Variants in PON3 observed in about 807,000 individuals in gnomAD.
PON3 encodes the protein serum paraoxonase/lactonase 3.
PON3 carries 37 observed loss-of-function variants against 36.3 expected under a neutral mutation model. The ratio of observed to expected loss-of-function variants is 1.02; its 90% CI spans 0.78 to 1.34. The LOEUF (loss-of-function observed/expected upper bound fraction) is 1.34. PON3 is among the 40% of genes most tolerant of loss of function. The probability of loss-of-function intolerance (pLI) is 0.00; values close to 1 mark genes in which losing one functional copy is unlikely to be tolerated. For synonymous variants in PON3, 155 were observed against 154.8 expected (o/e 1.00, Z -0.01); for missense variants, 415 against 426.5 (o/e 0.97, Z 0.24).
At chr7:95,395,742 A>G (rs2116431042) in intron 1 of PON3, 1 of 172,202 alleles carries the variant, frequency 5.8e-6, no homozygotes, top group East Asian at 1.5e-4. Context: ...AAAAGGTCAA[A>G]TGCCTACAAA....
intron 1 of PON3, among the ~76,000 whole-genome samples, chr7:95,395,329 G>C (rs906918309): frequency 3.9e-5 from 6 of 152,036 alleles, no homozygotes; most frequent in Non-Finnish European, 7.4e-5. Context: ...TCTAATATCA[G>C]GGATAATTTA....
At chr7:95,365,833 TG>T (rs1200951041) in intron 5 of PON3, 2 of 152,190 alleles carry the variant, frequency 1.3e-5, no homozygotes, top group Non-Finnish European at 2.9e-5. Flanking sequence ...ATCACTCCAA[TG>T]TCAGTATTCA....
At chr7:95,365,516 A>G (rs890209214) in intron 5 of PON3, 2 of 152,254 alleles carry the variant, frequency 1.3e-5, no homozygotes, top group Non-Finnish European at 2.9e-5. Context: ...CCTGAGATGC[A>G]GCTTACGCTG....
In PON3 at chr7:95,394,705, C is replaced by T. The variant is rs139790227; in HGVS notation, c.84G>A (p.Val28=). ...CTGGCTCCACTTCTCGAGAGGCATTCACCCTTTCTCTGTAGAAGATAAAAC... is the reference window on the plus strand; with the variant it reads ...CTGGCTCCACTTCTCGAGAGGCATTTACCCTTTCTCTGTAGAAGATAAAAC... ...GEMFLAFRER[V]NASREVEPVE... The change falls in exon 2 of 9, where the codon GTG becomes GTA. Residue 28 remains valine, a synonymous_variant. Coordinates refer to ENST00000265627, the MANE Select transcript of PON3 (RefSeq NM_000940.3). 3.4e-5 allele frequency: 55 copies of T among 1,614,078 alleles called. No individual in the cohort carries two copies. The African/African-American group carries it at 6.5e-4, about 19-fold the overall frequency.
At chr7:95,363,725 G>A (rs753144953) in intron 6 of PON3, 138 bp downstream of exon 6, 32 of 864,678 alleles carry the variant, frequency 3.7e-5, no homozygotes, top group Non-Finnish European at 5.8e-5. Context: ...CAGATTTAGT[G>A]TGAACCCTGG....
At chr7:95,384,788 GC>G (rs1166701779) in intron 3 of PON3, among the ~76,000 whole-genome samples, 1 of 152,182 alleles carries the variant, frequency 6.6e-6, no homozygotes, top group Non-Finnish European at 1.5e-5. Context: ...AGACAGTGTG[GC>G]GATTCCTCAG....
chr7:95,365,453 G>A (rs1248518357), intron 5 of PON3: 4 of 152,296 alleles, frequency 2.6e-5, no homozygotes, highest in Non-Finnish European at 5.9e-5. Flanking sequence ...TGACTAATAG[G>A]AGATGGGGCT....
At position 95,383,279 on chromosome 7, in the gene PON3, T is replaced by C. The variant is rs552130584; in HGVS notation, c.201+6875A>G. On this transcript the variant is annotated intron_variant, in intron 3 of 8. Transcript: ENST00000265627. ...TGGGCAAAAACTGGAAGCATTCCCTTTGAAAACCAGCACAAGACAGGGATG... is the reference window on the plus strand; with the variant it reads ...TGGGCAAAAACTGGAAGCATTCCCTCTGAAAACCAGCACAAGACAGGGATG... 1.1e-4 allele frequency among the ~76,000 whole-genome samples: 16 copies of C among 152,294 alleles called. No individual in the cohort carries two copies. In the South Asian group the frequency reaches 2.9e-3, roughly 28 times the overall value.
At chr7:95,396,189 G>A (rs1343481921) in intron 1 of PON3, 88 bp downstream of exon 1, 6 of 1,432,890 alleles carry the variant, frequency 4.2e-6, no homozygotes, top group Non-Finnish European at 5.9e-6. Context: ...TTTCCTACCC[G>A]CTAGGAAGGG....
At chr7:95,391,325 A>C (rs1809313236) in intron 2 of PON3, among the ~76,000 whole-genome samples, 2 of 152,216 alleles carry the variant, frequency 1.3e-5, no homozygotes, top group Non-Finnish European at 2.9e-5. Flanking sequence ...TTAAATACAG[A>C]GGCCACCTAC....
At chr7:95,395,027 T>A (rs564829605) in intron 1 of PON3, among the ~76,000 whole-genome samples, 1 of 152,228 alleles carries the variant, frequency 6.6e-6, no homozygotes, top group Non-Finnish European at 1.5e-5. Flanking sequence ...TATTATTAAT[T>A]TAAATGCACG....
chr7:95,375,230 T>A (rs1808888203), intron 3 of PON3, among the ~76,000 whole-genome samples: 1 of 151,202 alleles, frequency 6.6e-6, no homozygotes, highest in South Asian at 2.1e-4. Flanking sequence ...GAAGAAAAAA[T>A]TTAATGTATA....
In PON3 at chr7:95,372,233, T is replaced by C; in HGVS notation, c.307A>G (p.Ser103Gly). 2 of 1,613,870 alleles carry C rather than the reference T, an allele frequency of 1.2e-6. No homozygotes were observed. Among genetic ancestry groups the C allele is most frequent in the African/African-American group, 1.3e-5 (1 of 75,044 alleles). Reference sequence around the variant, plus strand: ...AATAATTCTTTGTCAAATCCACCACTGATTTCTAGCGCTTGTGCCCTTGGG... The same window carrying C: ...AATAATTCTTTGTCAAATCCACCACCGATTTCTAGCGCTTGTGCCCTTGGG... ...QNPRAQALEISGGFDKELFNP... is the reference protein window; with the variant it reads ...QNPRAQALEIGGGFDKELFNP... The change falls in exon 4 of 9, where the codon AGT becomes GGT. Residue 103 changes from serine (S) to glycine (G), a missense_variant. Transcript: ENST00000265627.
intron 5 of PON3, among the ~76,000 whole-genome samples, chr7:95,366,530 A>T (rs148265271): frequency 2.6e-4 from 40 of 152,356 alleles, no homozygotes; most frequent in Admixed American, 1.5e-3. Context: ...CTTCTATCCC[A>T]TGAAACAATT....
intron 4 of PON3, among the ~76,000 whole-genome samples, chr7:95,367,951 A>C (rs1201541978): frequency 6.6e-6 from 1 of 152,216 alleles, no homozygotes; most frequent in African/African-American, 2.4e-5. Context: ...AACACCTTAA[A>C]ATAAGCAACA....
intron 1 of PON3, 98 bp downstream of exon 1, chr7:95,396,179 T>G (rs558097376): frequency 7.4e-7 from 1 of 1,357,970 alleles, no homozygotes; most frequent in African/African-American, 1.4e-5. Context: ...AAAGCTGCTC[T>G]TTCCTACCCG....
At chr7:95,381,310 C>T (rs1359455322) in intron 3 of PON3, among the ~76,000 whole-genome samples, 1 of 152,174 alleles carries the variant, frequency 6.6e-6, no homozygotes, top group African/African-American at 2.4e-5. Flanking sequence ...AGCAAAATAA[C>T]CAGCTAACAT....
At chr7:95,382,496 T>G (rs916908116) in intron 3 of PON3, among the ~76,000 whole-genome samples, 11 of 151,684 alleles carry the variant, frequency 7.3e-5, no homozygotes, top group African/African-American at 2.4e-4. Flanking sequence ...ATCAAATAGA[T>G]GCAATAAAAA....
chr7:95,390,191 A>G lies in PON3; in HGVS notation c.164T>C (p.Ile55Thr). The part of the protein sequence containing the change: ...IEELESGSED[I>T]DILPSGLAFI... The stretch of plus-strand genomic sequence containing the variant: ...AGCCAGCCCACTAGGAAGTATATCA[A>G]TATCTTCAGAGCCACTTTCTGCAAA... Residue 55 changes from isoleucine to threonine, a missense_variant, in exon 3 of 9, where the codon ATT becomes ACT. Transcript: ENST00000265627. 6.2e-7 allele frequency: 1 copy of G among 1,611,904 alleles called. No individual in the cohort carries two copies.
Sources: allele counts gnomAD v4.1 joint callset (sites outside exome capture counted in the v4.1 genomes callset), GRCh38; gene constraint gnomAD v4.1.1; transcripts MANE v1.5; gene names NCBI Gene and HGNC (gene_info 2026-07-23, HGNC 2026-07-21).